WHRN: variants seen among roughly 807,000 people sequenced by gnomAD.
WHRN encodes the protein CASK-interacting protein CIP98.
A neutral mutation model predicts 68.3 loss-of-function variants in WHRN; 41 were observed. The ratio of observed to expected loss-of-function variants is 0.60; its 90% CI spans 0.47 to 0.78. WHRN has a LOEUF of 0.78. WHRN is among the 30% of genes least tolerant of loss of function. WHRN has a pLI of 0.00. For synonymous variants in WHRN, 560 were observed against 561.3 expected, an observed-to-expected ratio of 1.00 and a Z score of 0.03; for missense variants, 1,243 against 1,244.7, an observed-to-expected ratio of 1.00 and a Z score of 0.02.
chr9:114,436,340 TTA>T (rs1366163223), intron 3 of WHRN, among the ~76,000 whole-genome samples: 4 of 152,186 alleles, frequency 2.6e-5, no homozygotes, highest in African/African-American at 7.2e-5. Flanking sequence ...CTGTGAACCC[TTA>T]TATAAAGTAT....
At position 114,424,239 on chromosome 9, in the gene WHRN, G is replaced by A. The variant is rs1219481221; in HGVS notation, c.1416+95C>T. The stretch of plus-strand genomic sequence containing the variant: ...TCTGCCCAGTGTTCAGTTCAGGCCT[G>A]ACCCCTTGTAGGTTCTCAGCAAAGG... On this transcript the variant is annotated intron_variant, in intron 6 of 11. Coordinates refer to ENST00000362057, the MANE Select transcript of WHRN (RefSeq NM_015404.4). The A allele has an allele frequency of 2.1e-5, 30 of 1,442,330 alleles. 1 individual carries two copies. The Admixed American group carries it at 4.7e-4, about 23-fold the overall frequency. The allele number at this position is 1,442,330 out of a possible 1,614,324, so 89.3% of individuals were successfully genotyped here. A position where few individuals can be genotyped will look rare whatever the true frequency, so the allele number is the denominator to read the frequency against.
intron 7 of WHRN, 100 bp downstream of exon 7, chr9:114,423,214 T>C: frequency 8.2e-7 from 1 of 1,224,568 alleles, no homozygotes; most frequent in Non-Finnish European, 1.2e-6. Flanking sequence ...AGCTGGTAAG[T>C]GGTGGTGCTG....
intron 2 of WHRN, among the ~76,000 whole-genome samples, chr9:114,475,200 G>A (rs1841552010): frequency 6.6e-6 from 1 of 152,118 alleles, no homozygotes; most frequent in Non-Finnish European, 1.5e-5. Context: ...TTGAACCCAG[G>A]CAGCCTGGGA....
intron 7 of WHRN, among the ~76,000 whole-genome samples, chr9:114,420,001 G>A (rs1836138403): frequency 6.6e-6 from 1 of 152,164 alleles, no homozygotes; most frequent in African/African-American, 2.4e-5. Flanking sequence ...CTGGTTAAGG[G>A]ACTCCCACAG....
chr9:114,484,682 C>T (rs1296084467), intron 1 of WHRN, among the ~76,000 whole-genome samples: 1 of 152,194 alleles, frequency 6.6e-6, no homozygotes, highest in Non-Finnish European at 1.5e-5. Context: ...TCGATCTGAC[C>T]CAGCAGATGG....
At chr9:114,475,287 T>A (rs1231018118) in intron 2 of WHRN, among the ~76,000 whole-genome samples, 2 of 152,130 alleles carry the variant, frequency 1.3e-5, no homozygotes, top group Non-Finnish European at 2.9e-5. Context: ...TTCTAGTTTA[T>A]GAGAGCTATA....
At chr9:114,503,000 A>C (rs919828943) in intron 1 of WHRN, 1 of 369,972 alleles carries the variant, frequency 2.7e-6, no homozygotes, top group Non-Finnish European at 3.7e-6. Context: ...GCTACAAAGA[A>C]GTTTCTGAAA....
intron 1 of WHRN, among the ~76,000 whole-genome samples, chr9:114,496,165 G>A (rs1434539914): frequency 1.3e-5 from 2 of 152,128 alleles, no homozygotes; most frequent in East Asian, 3.8e-4. Context: ...CCCTGGGGAG[G>A]CCATCAGGGA....
chr9:114,473,753 G>T (rs1328173276), intron 2 of WHRN, among the ~76,000 whole-genome samples: 2 of 152,190 alleles, frequency 1.3e-5, no homozygotes, highest in African/African-American at 4.8e-5. Flanking sequence ...AATAGAAGCA[G>T]GAGACGCAGG....
At chr9:114,468,296 T>C (rs1840897937) in intron 2 of WHRN, among the ~76,000 whole-genome samples, 1 of 152,190 alleles carries the variant, frequency 6.6e-6, no homozygotes, top group Non-Finnish European at 1.5e-5. Context: ...GTTGCACACA[T>C]GACAAGTCTT....
intron 3 of WHRN, among the ~76,000 whole-genome samples, chr9:114,441,879 C>T (rs1357177999): frequency 1.3e-5 from 2 of 152,086 alleles, no homozygotes; most frequent in African/African-American, 2.4e-5. Flanking sequence ...CCTGCAAATA[C>T]GTTATTATAA....
At chr9:114,504,035 A>C in intron 1 of WHRN, 149 bp downstream of exon 1, 1 of 1,223,326 alleles carries the variant, frequency 8.2e-7, no homozygotes, top group Non-Finnish European at 1.1e-6. Context: ...TCTGTAAGCT[A>C]TACATTCCTG....
At chr9:114,416,940 C>T (rs1835858841) in intron 7 of WHRN, among the ~76,000 whole-genome samples, 1 of 152,202 alleles carries the variant, frequency 6.6e-6, no homozygotes, top group Admixed American at 6.5e-5. Flanking sequence ...AAAGCAGAAC[C>T]CAGCTGGTAG....
In WHRN at chr9:114,504,648, C is replaced by A. The variant is rs763826577; in HGVS notation, c.154G>T (p.Glu52Ter). 2 of 1,606,226 alleles carry A rather than the reference C, an allele frequency of 1.2e-6. No individual in the cohort carries two copies. The highest frequency in any genetic ancestry group is 1.3e-5 in the African/African-American group (1 of 74,790). Residue 52 changes from glutamate (E) to a stop codon, truncating the protein, a stop_gained, in exon 1 of 12, where the codon GAG becomes TAG. Coordinates refer to ENST00000362057, the MANE Select transcript of WHRN (RefSeq NM_015404.4). LOFTEE classifies it high-confidence loss of function. Reference sequence around the variant, plus strand: ...TGGGTGAACTGCTCCCGCTCCGCCTCGCTCAGCAGCGCGGTCAGCGCTTGG... The same window carrying A: ...TGGGTGAACTGCTCCCGCTCCGCCTAGCTCAGCAGCGCGGTCAGCGCTTGG... ...LHQALTALLS[E>*]AEREQFTHCL...
intron 3 of WHRN, among the ~76,000 whole-genome samples, chr9:114,427,582 C>A (rs191417970): frequency 7.2e-5 from 11 of 152,280 alleles, no homozygotes; most frequent in Admixed American, 7.2e-4. Context: ...TAGGTTTATC[C>A]AGCATTTTTC....
At position 114,478,607 on chromosome 9, in the gene WHRN, C is replaced by T. The variant is rs778072697; in HGVS notation, c.783G>A (p.Gln261=). 1 of 1,614,074 alleles carries T rather than the reference C, an allele frequency of 6.2e-7. No homozygotes were observed. The highest frequency in any genetic ancestry group is 1.3e-5 in the African/African-American group (1 of 75,040). Residue 261 remains glutamine (Q), a synonymous_variant, in exon 2 of 12, where the codon CAG becomes CAA. Coordinates refer to ENST00000362057, the MANE Select transcript of WHRN (RefSeq NM_015404.4). ...GCAGGGTGCTCCTCCGGTCACCCTC[C>T]TGCTGCCTCAGGGCACCACCGTGGG... ...PQPHGGALRQ[Q]EGDRRSTLHL... is the part of the protein sequence containing the mutation.
chr9:114,426,493 T>A, intron 3 of WHRN, 80 bp from the exon 4 acceptor site: 1 of 1,533,394 alleles, frequency 6.5e-7, no homozygotes. Flanking sequence ...CAGATCCCAA[T>A]TCTCCTCTGG....
intron 3 of WHRN, among the ~76,000 whole-genome samples, chr9:114,436,002 CATT>C (rs1837817141): frequency 6.6e-6 from 1 of 152,196 alleles, no homozygotes; most frequent in Admixed American, 6.5e-5. Flanking sequence ...ATGTATTTAA[CATT>C]ATCCCAACAA....
chr9:114,487,580 G>C (rs1047740363), intron 1 of WHRN, among the ~76,000 whole-genome samples: 1 of 152,076 alleles, frequency 6.6e-6, no homozygotes, highest in Non-Finnish European at 1.5e-5. Flanking sequence ...TTTTTTGCTA[G>C]CACCATCACC....
Sources: gnomAD v4.1 joint callset for allele counts (sites outside exome capture counted in the v4.1 genomes callset) on GRCh38, gnomAD v4.1.1 for gene constraint, MANE v1.5 for transcripts, NCBI Gene and HGNC (gene_info 2026-07-23, HGNC 2026-07-21) for gene names.